The following EBF2 variants were observed in gnomAD, a reference collection of about 807,000 sequenced individuals.
EBF2 encodes EBF transcription factor 2, also known as transcription factor COE2.
EBF2 carries 21 observed loss-of-function variants against 72.8 expected under a neutral mutation model. The ratio of observed to expected loss-of-function variants is 0.29; its 90% CI spans 0.20 to 0.42. The LOEUF (loss-of-function observed/expected upper bound fraction) is 0.42, where lower values mean the gene tolerates loss of function less well. Among genes scored for constraint, EBF2 ranks in the 10% least tolerant of loss-of-function variants. EBF2 has a pLI of 1.00. For synonymous variants in EBF2, 299 were observed against 274.2 expected (o/e 1.09, Z -0.89); for missense variants, 637 against 731.2 (o/e 0.87, Z 1.49).
At chr8:25,977,066 G>T (rs1344854225) in intron 6 of EBF2, among the ~76,000 whole-genome samples, 1 of 152,166 alleles carries the variant, frequency 6.6e-6, no homozygotes, top group Admixed American at 6.5e-5. Context: ...CATGTTCCCA[G>T]GTCTGAGCTG....
At chr8:25,963,857 T>A (rs1045243132) in intron 6 of EBF2, among the ~76,000 whole-genome samples, 1 of 152,238 alleles carries the variant, frequency 6.6e-6, no homozygotes, top group African/African-American at 2.4e-5. Flanking sequence ...GGCAATTTTT[T>A]ATAATTAATA....
rs1039734356 is a variant in EBF2 at position 25,860,930 on chromosome 8, A to G, written c.1342+119T>C. On this transcript the variant is annotated intron_variant, in intron 13 of 15. Coordinates refer to ENST00000520164, the MANE Select transcript of EBF2 (RefSeq NM_022659.4). ...TTGAAATAACCCAATCTATGATTGT[A>G]TTGCCTATCTGTGGACACACTCTGT... is the stretch of plus-strand genomic sequence containing the variant. 2.8e-6 allele frequency: 3 copies of G among 1,057,614 alleles called. No homozygotes were observed. In the African/African-American group the frequency reaches 4.7e-5, roughly 17 times the overall value. 65.5% of individuals were successfully genotyped at this position (1,057,614 alleles called of 1,614,324 possible).
At chr8:25,994,648 A>G (rs1204577031) in intron 6 of EBF2, among the ~76,000 whole-genome samples, 1 of 152,244 alleles carries the variant, frequency 6.6e-6, no homozygotes, top group African/African-American at 2.4e-5. Flanking sequence ...CAATGTGGAT[A>G]CAGCTGGAGG....
intron 6 of EBF2, among the ~76,000 whole-genome samples, chr8:25,985,069 G>C (rs1804426799): frequency 6.6e-6 from 1 of 152,164 alleles, no homozygotes; most frequent in Non-Finnish European, 1.5e-5. Flanking sequence ...TTTGAAAAGT[G>C]ATAAAACAGA....
chr8:25,846,606 T>C (rs769710023), intron 15 of EBF2, among the ~76,000 whole-genome samples: 1 of 152,168 alleles, frequency 6.6e-6, no homozygotes, highest in Non-Finnish European at 1.5e-5. Context: ...GAATCTCTTA[T>C]TGAGCCCAGG....
rs773669421 is a variant in EBF2 at position 25,908,468 on chromosome 8, C to T, written c.633+6G>A. On this transcript the variant is annotated splice_donor_region_variant and intron_variant, in intron 7 of 15. Transcript: ENST00000520164. ...TTTAACAGGAAAGATCTGCAGGGCC[C>T]CTTACCTGAAACCGTCTCATGTCCC... The T allele has an allele frequency of 6.2e-7, 1 of 1,606,818 alleles. No individual in the cohort carries two copies. The highest frequency in any genetic ancestry group is 8.5e-7 in the Non-Finnish European group (1 of 1,174,144).
chr8:25,985,106 G>A (rs1362370934), intron 6 of EBF2, among the ~76,000 whole-genome samples: 4 of 152,140 alleles, frequency 2.6e-5, no homozygotes. Context: ...GCTGCAACCA[G>A]GAAGAACCCT....
At chr8:26,010,594 G>T (rs1420239469) in intron 6 of EBF2, among the ~76,000 whole-genome samples, 1 of 152,198 alleles carries the variant, frequency 6.6e-6, no homozygotes, top group East Asian at 1.9e-4. Flanking sequence ...GAGCACAATC[G>T]TGACAGCTGC....
intron 6 of EBF2, among the ~76,000 whole-genome samples, chr8:26,017,702 C>T (rs911334067): frequency 6.6e-6 from 1 of 152,202 alleles, no homozygotes; most frequent in African/African-American, 2.4e-5. Flanking sequence ...ACTCAAGTTC[C>T]AAGTATTGCT....
chr8:26,040,810 T>C, intron 3 of EBF2, 129 bp downstream of exon 3: 4 of 1,486,712 alleles, frequency 2.7e-6, no homozygotes, highest in Non-Finnish European at 3.7e-6. Context: ...CCCAATCCCC[T>C]GTCCCAGGCA....
At chr8:25,933,275 G>A (rs75872408) in intron 6 of EBF2, among the ~76,000 whole-genome samples, 3 of 152,196 alleles carry the variant, frequency 2.0e-5, no homozygotes, top group Non-Finnish European at 4.4e-5. Flanking sequence ...ATCTATCAGC[G>A]CTGAGCTGTT....
chr8:25,850,455 C>T lies in EBF2; in HGVS notation c.1696+139G>A, dbSNP rs1412456740. On this transcript the variant is annotated intron_variant, in intron 15 of 15. Transcript: ENST00000520164. ...TGGAGCACTTGCCTAGCTGTAGAAGCCATTCATGTCCCATGATAAGAACAG... is the reference window on the plus strand; with the variant it reads ...TGGAGCACTTGCCTAGCTGTAGAAGTCATTCATGTCCCATGATAAGAACAG... The T allele has an allele frequency of 2.8e-6, 3 of 1,067,404 alleles. No individual in the cohort carries two copies. In the African/African-American group the frequency reaches 5.0e-5, roughly 18 times the overall value. The allele number at this position is 1,067,404 out of a possible 1,614,324, so 66.1% of individuals were successfully genotyped here.
intron 1 of EBF2, 56 bp from the exon 2 acceptor site, chr8:26,042,307 T>C: frequency 1.3e-6 from 2 of 1,561,638 alleles, no homozygotes; most frequent in Non-Finnish European, 1.7e-6. Flanking sequence ...AAAAAGGCGA[T>C]GTTACTAACC....
chr8:25,853,318 A>G (rs776226752), intron 14 of EBF2, among the ~76,000 whole-genome samples: 1 of 152,132 alleles, frequency 6.6e-6, no homozygotes, highest in Non-Finnish European at 1.5e-5. Context: ...CATATCCTCA[A>G]TAGCTCATAA....
At chr8:25,929,426 G>A (rs1803443343) in intron 6 of EBF2, among the ~76,000 whole-genome samples, 1 of 152,192 alleles carries the variant, frequency 6.6e-6, no homozygotes, top group South Asian at 2.1e-4. Context: ...AGAGCACTTA[G>A]TACGATGCTT....
chr8:26,032,165 A>G (rs1220914998), intron 6 of EBF2: 1 of 152,170 alleles, frequency 6.6e-6, no homozygotes, highest in Non-Finnish European at 1.5e-5. Flanking sequence ...AGAAGCTAGG[A>G]CAAGATCAGA....
chr8:25,881,484 T>G (rs189531949), intron 10 of EBF2, among the ~76,000 whole-genome samples: 1 of 152,338 alleles, frequency 6.6e-6, no homozygotes, highest in East Asian at 1.9e-4. Context: ...TCATCAGGTT[T>G]GCAATTCCTT....
intron 6 of EBF2, among the ~76,000 whole-genome samples, chr8:25,952,238 G>T (rs971750528): frequency 6.6e-6 from 1 of 152,194 alleles, no homozygotes; most frequent in Non-Finnish European, 1.5e-5. Flanking sequence ...GGAGGCTAGA[G>T]TGATCCATGA....
At position 26,034,432 on chromosome 8, in the gene EBF2, G is replaced by A. The variant is rs181528083; in HGVS notation, c.483-1279C>T. ...AATAAATGCTGATAGGATTAGCTGA[G>A]AGGGAGATAAAGAAGATCCCCTGGG... On this transcript the variant is annotated intron_variant, in intron 5 of 15. Transcript: ENST00000520164. Among the ~76,000 whole-genome samples the A allele has an allele frequency of 2.0e-5, 3 of 152,312 alleles. No homozygotes were observed. In the East Asian group the frequency reaches 5.8e-4, roughly 29 times the overall value.
Sources: allele counts gnomAD v4.1 joint callset (sites outside exome capture counted in the v4.1 genomes callset), GRCh38; gene constraint gnomAD v4.1.1; transcripts MANE v1.5; gene names NCBI Gene and HGNC (gene_info 2026-07-23, HGNC 2026-07-21).